CDH1: variants seen among roughly 807,000 people sequenced by gnomAD.
The protein encoded by CDH1 is cadherin 1, also known as cadherin-1.
In CDH1, 35 loss-of-function variants were observed where a neutral mutation model predicts 84.5. The ratio of observed to expected loss-of-function variants is 0.41; its 90% CI spans 0.32 to 0.55. The LOEUF (loss-of-function observed/expected upper bound fraction) is 0.55. Among genes scored for constraint, CDH1 ranks in the 20% least tolerant of loss-of-function variants. The probability of loss-of-function intolerance (pLI) is 0.19; values close to 1 mark genes in which losing one functional copy is unlikely to be tolerated. For synonymous variants in CDH1, 417 were observed against 439.0 expected, an observed-to-expected ratio of 0.95 and a Z score of 0.63; for missense variants, 994 against 1,126.6, an observed-to-expected ratio of 0.88 and a Z score of 1.68.
Position 68,833,633 on chromosome 16 carries a change from G to C in CDH1, c.*134G>C. On this transcript the variant is annotated 3_prime_UTR_variant, in exon 16 of 16. Coordinates refer to ENST00000261769, the MANE Select transcript of CDH1 (RefSeq NM_004360.5). ...AAGAGACTGGTTAGTGATGCAGTTAGTATAGCTTTATACTCTCTCCACTTT... is the reference window on the plus strand; with the variant it reads ...AAGAGACTGGTTAGTGATGCAGTTACTATAGCTTTATACTCTCTCCACTTT... The C allele has an allele frequency of 1.4e-6, 1 of 722,188 alleles. No individual in the cohort carries two copies. The highest frequency in any genetic ancestry group is 1.5e-5 in the South Asian group (1 of 67,418). 44.7% of individuals were successfully genotyped at this position (722,188 alleles called of 1,614,324 possible).
At chr16:68,750,150 C>CTTTTTTTT (rs34551002) in intron 2 of CDH1, among the ~76,000 whole-genome samples, 2 of 79,096 alleles carry the variant, frequency 2.5e-5, no homozygotes, top group African/African-American at 4.2e-5. Context: ...TAGAATTCAG[C>CTTTTTTTT]TTTTTTTTTT....
At chr16:68,801,553 T>G in intron 2 of CDH1, 117 bp from the exon 3 acceptor site, 2 of 813,318 alleles carry the variant, frequency 2.5e-6, no homozygotes, top group Non-Finnish European at 2.2e-6. Context: ...AGATTATGGT[T>G]TGTTTTGGTT....
chr16:68,788,842 AC>A (rs770137662), intron 2 of CDH1, among the ~76,000 whole-genome samples: 112 of 152,122 alleles, frequency 7.4e-4, no homozygotes, highest in Middle Eastern at 6.8e-3. Flanking sequence ...CCTAAAAAAA[AC>A]AAAAAACAAA....
At chr16:68,750,150 C>CTTTTTTTTTTTTTTTTTTTTT (rs34551002) in intron 2 of CDH1, among the ~76,000 whole-genome samples, 49 of 79,084 alleles carry the variant, frequency 6.2e-4, no homozygotes, top group Non-Finnish European at 7.0e-4. Context: ...TAGAATTCAG[C>CTTTTTTTTTTTTTTTTTTTTT]TTTTTTTTTT....
intron 2 of CDH1, among the ~76,000 whole-genome samples, chr16:68,755,237 C>T (rs1001690310): frequency 7.4e-6 from 1 of 135,816 alleles, no homozygotes; most frequent in Non-Finnish European, 1.5e-5. Flanking sequence ...TAGCCATGAT[C>T]GTACCACTGC....
intron 2 of CDH1, among the ~76,000 whole-genome samples, chr16:68,762,807 G>A (rs899127941): frequency 6.6e-6 from 1 of 151,010 alleles, no homozygotes; most frequent in African/African-American, 2.4e-5. Context: ...TACTTGGGAG[G>A]CTGAGGCAGG....
chr16:68,781,123 C>A (rs1959866544), intron 2 of CDH1, among the ~76,000 whole-genome samples: 2 of 152,228 alleles, frequency 1.3e-5, no homozygotes, highest in South Asian at 4.1e-4. Flanking sequence ...ACCACCCTGT[C>A]CCCACTCCTC....
At chr16:68,783,919 T>C (rs143426109) in intron 2 of CDH1, among the ~76,000 whole-genome samples, 414 of 152,210 alleles carry the variant, frequency 2.7e-3, no homozygotes, top group African/African-American at 9.4e-3. Flanking sequence ...TCAAGCAATC[T>C]ACCCACCTCG....
intron 2 of CDH1, among the ~76,000 whole-genome samples, chr16:68,794,819 T>A (rs548940875): frequency 3.3e-5 from 5 of 151,660 alleles, no homozygotes; most frequent in African/African-American, 1.2e-4. Context: ...CCCGAGTAGC[T>A]GGGACTACAG....
In CDH1 at chr16:68,833,871, G is replaced by T. The variant is rs1567518135; in HGVS notation, c.*372G>T. The T allele has an allele frequency of 2.6e-6, 1 of 378,256 alleles. No individual in the cohort carries two copies. The highest frequency in any genetic ancestry group is 4.9e-6 in the Non-Finnish European group (1 of 205,212). The allele number at this position is 378,256 out of a possible 1,614,324, so 23.4% of individuals were successfully genotyped here. A position where few individuals can be genotyped will look rare whatever the true frequency, so the allele number is the denominator to read the frequency against. On this transcript the variant is annotated 3_prime_UTR_variant, in exon 16 of 16. Transcript: ENST00000261769. ...CTTTTAAAAAGAAGGGGAGAAGTCAGCTACTCTAGTTCTGTTGTTTTGTGT... is the reference window on the plus strand; with the variant it reads ...CTTTTAAAAAGAAGGGGAGAAGTCATCTACTCTAGTTCTGTTGTTTTGTGT...
intron 2 of CDH1, among the ~76,000 whole-genome samples, chr16:68,784,066 T>C (rs1377827770): frequency 6.6e-6 from 1 of 152,200 alleles, no homozygotes; most frequent in Non-Finnish European, 1.5e-5. Context: ...TGTCTATCTT[T>C]TGCCACCATA....
intron 2 of CDH1, among the ~76,000 whole-genome samples, chr16:68,796,313 C>T (rs532423811): frequency 6.6e-6 from 1 of 152,278 alleles, no homozygotes; most frequent in Admixed American, 6.5e-5. Flanking sequence ...GTCTAAGATA[C>T]TAGGTTATCC....
chr16:68,794,685 C>CTTTTTT (rs34110311), intron 2 of CDH1, among the ~76,000 whole-genome samples: 1 of 126,446 alleles, frequency 7.9e-6, no homozygotes, highest in African/African-American at 3.0e-5. Flanking sequence ...GCCGGGCTAA[C>CTTTTTT]TTTTTTTTTT....
intron 2 of CDH1, among the ~76,000 whole-genome samples, chr16:68,768,806 G>A (rs1959460795): frequency 6.6e-6 from 1 of 152,154 alleles, no homozygotes; most frequent in African/African-American, 2.4e-5. Flanking sequence ...TATCTTATAT[G>A]TTGTAATATA....
rs1057520572 is a variant in CDH1, at chr16:68,811,667, T to A, written c.833-17T>A. On this transcript the variant is annotated splice_polypyrimidine_tract_variant and intron_variant, in intron 6 of 15. Transcript: ENST00000261769. ...AGTGCAGCTTGTCTAAACCTTCATC[T>A]CCTTGAACTCTTCCAGGAACCTCTG... 5 of 1,613,294 alleles carry A rather than the reference T, an allele frequency of 3.1e-6. No homozygotes were observed. Among genetic ancestry groups the A allele is most frequent in the Non-Finnish European group, 4.2e-6 (5 of 1,179,600 alleles).
rs1961611845 is a variant in CDH1 at position 68,835,482 on chromosome 16, A to T, written c.*1983A>T. 4.8e-6 allele frequency: 1 copy of T among 206,714 alleles called. No individual in the cohort carries two copies. Among genetic ancestry groups the T allele is most frequent in the African/African-American group, 2.3e-5 (1 of 43,888 alleles). The allele number at this position is 206,714 out of a possible 1,614,324, so 12.8% of individuals were successfully genotyped here. A position where few individuals can be genotyped will look rare whatever the true frequency, so the allele number is the denominator to read the frequency against. ...TGGAAAAGGAAAACAATTCAAGCTG[A>T]GAAAAGTATTCTCAAAGATGCATTT... is the stretch of plus-strand genomic sequence containing the variant. On this transcript the variant is annotated 3_prime_UTR_variant, in exon 16 of 16. Coordinates refer to ENST00000261769, the MANE Select transcript of CDH1 (RefSeq NM_004360.5).
intron 2 of CDH1, among the ~76,000 whole-genome samples, chr16:68,800,527 C>T (rs984578148): frequency 6.6e-6 from 1 of 152,170 alleles, no homozygotes; most frequent in East Asian, 1.9e-4. Context: ...GAAACCTGAT[C>T]CTCCTGTCTA....
chr16:68,797,976 G>A (rs1960407909), intron 2 of CDH1, among the ~76,000 whole-genome samples: 1 of 152,076 alleles, frequency 6.6e-6, no homozygotes, highest in East Asian at 1.9e-4. Flanking sequence ...CTACTCGGGA[G>A]GCTGAAGCAG....
Position 68,833,856 on chromosome 16 carries a change from G to C in CDH1, c.*357G>C. ...AGGAATTTTGTCTCACTTTTAAAAA[G>C]AAGGGGAGAAGTCAGCTACTCTAGT... is the stretch of plus-strand genomic sequence containing the variant. On this transcript the variant is annotated 3_prime_UTR_variant, in exon 16 of 16. Transcript: ENST00000261769. 1 of 384,790 alleles carries C rather than the reference G, an allele frequency of 2.6e-6. No homozygotes were observed. The highest frequency in any genetic ancestry group is 4.8e-6 in the Non-Finnish European group (1 of 209,092). 23.8% of individuals were successfully genotyped at this position (384,790 alleles called of 1,614,324 possible). A position where few individuals can be genotyped will look rare whatever the true frequency, so the allele number is the denominator to read the frequency against.
Sources: gnomAD v4.1 joint callset for allele counts (sites outside exome capture counted in the v4.1 genomes callset) on GRCh38, gnomAD v4.1.1 for gene constraint, MANE v1.5 for transcripts, NCBI Gene and HGNC (gene_info 2026-07-23, HGNC 2026-07-21) for gene names.